Variants in SLC35F4 observed in about 807,000 individuals in gnomAD.
SLC35F4 encodes the protein chromosome 14 open reading frame 36.
A neutral mutation model predicts 44.2 loss-of-function variants in SLC35F4; 24 were observed. The observed-to-expected ratio is 0.54, with a 90% CI of 0.39 to 0.76. The LOEUF (loss-of-function observed/expected upper bound fraction) is 0.76, where lower values mean the gene tolerates loss of function less well. SLC35F4 is among the 30% of genes least tolerant of loss of function. SLC35F4 has a pLI of 0.00. For synonymous variants in SLC35F4, 238 were observed against 223.6 expected (o/e 1.06, Z -0.57); for missense variants, 562 against 586.1 (o/e 0.96, Z 0.42).
intron 1 of SLC35F4, among the ~76,000 whole-genome samples, chr14:57,786,530 T>G (rs185267683): frequency 1.1e-3 from 175 of 152,268 alleles, no homozygotes; most frequent in Non-Finnish European, 1.2e-3. Flanking sequence ...TCCCTTGTCA[T>G]GTCCACAGAA....
intron 5 of SLC35F4, among the ~76,000 whole-genome samples, chr14:57,570,530 T>C (rs2068446691): frequency 6.6e-6 from 1 of 152,164 alleles, no homozygotes; most frequent in East Asian, 1.9e-4. Flanking sequence ...TTATATATTA[T>C]AAACCTGTGT....
chr14:57,586,717 CAAAAAAAAAAAAAAAAA>C (rs543963927), intron 3 of SLC35F4, among the ~76,000 whole-genome samples: 2 of 12,494 alleles, frequency 1.6e-4, no homozygotes, highest in African/African-American at 1.3e-4. Flanking sequence ...GACTCTGTCT[CAAAAAAAAAAAAAAAAA>C]AAAAAAAAAA....
chr14:57,785,397 T>C (rs559310927), intron 1 of SLC35F4, among the ~76,000 whole-genome samples: 1 of 152,256 alleles, frequency 6.6e-6, no homozygotes, highest in South Asian at 2.1e-4. Flanking sequence ...CAGTAGTACA[T>C]AAATTACTTT....
intron 1 of SLC35F4, among the ~76,000 whole-genome samples, chr14:57,846,457 TA>T (rs747260082): frequency 6.0e-4 from 92 of 152,242 alleles, no homozygotes; most frequent in Middle Eastern, 6.8e-3. Context: ...CTGAATGAAA[TA>T]ACAGTCGTTT....
chr14:57,666,047 A>G (rs1344116384), intron 1 of SLC35F4, among the ~76,000 whole-genome samples: 1 of 152,196 alleles, frequency 6.6e-6, no homozygotes, highest in South Asian at 2.1e-4. Flanking sequence ...TGATGAAATA[A>G]TCTGTACAAC....
chr14:57,919,838 A>G (rs1889406531), intron 1 of SLC35F4, among the ~76,000 whole-genome samples: 1 of 152,202 alleles, frequency 6.6e-6, no homozygotes, highest in Non-Finnish European at 1.5e-5. Context: ...ATGGAGAGCA[A>G]TTTTGACAGA....
chr14:57,959,450 T>C (rs1225560737), intron 1 of SLC35F4, among the ~76,000 whole-genome samples: 3 of 152,136 alleles, frequency 2.0e-5, no homozygotes, highest in Admixed American at 6.5e-5. Flanking sequence ...CTGAGGAAGA[T>C]GGATTTAGCC....
chr14:57,951,273 C>G (rs1890135486), intron 1 of SLC35F4, among the ~76,000 whole-genome samples: 1 of 152,164 alleles, frequency 6.6e-6, no homozygotes, highest in African/African-American at 2.4e-5. Flanking sequence ...ACACTTTTCC[C>G]ATGGTCTTCA....
Position 57,611,425 on chromosome 14 carries a change from T to C in SLC35F4, c.104-17301A>G, listed in dbSNP as rs541660938. Among the ~76,000 whole-genome samples, 3 of 151,934 alleles carry C rather than the reference T, an allele frequency of 2.0e-5. No homozygotes were observed. In the East Asian group the frequency reaches 5.8e-4, roughly 30 times the overall value. On this transcript the variant is annotated intron_variant, in intron 1 of 7. Transcript: ENST00000556826. ...AATAAACTCTCTAAAGCTGTGAGTA[T>C]AGAGAAGATGCCCAGCAGGTCCAGG...
At chr14:57,915,353 A>G (rs1406020823) in intron 1 of SLC35F4, among the ~76,000 whole-genome samples, 3 of 152,096 alleles carry the variant, frequency 2.0e-5, no homozygotes, top group African/African-American at 7.2e-5. Context: ...ATCTATGGTA[A>G]TCTCTTTAAC....
chr14:57,668,299 T>C (rs1282428146), intron 1 of SLC35F4, among the ~76,000 whole-genome samples: 2 of 151,290 alleles, frequency 1.3e-5, no homozygotes, highest in East Asian at 3.9e-4. Flanking sequence ...ACTCTGATGG[T>C]AGTTTCTTTT....
intron 1 of SLC35F4, among the ~76,000 whole-genome samples, chr14:57,722,682 G>T (rs769850657): frequency 6.6e-6 from 1 of 152,184 alleles, no homozygotes; most frequent in Non-Finnish European, 1.5e-5. Context: ...AATCAGAATA[G>T]TCTGACTTCT....
chr14:57,713,561 AG>A (rs2075864397), intron 1 of SLC35F4, among the ~76,000 whole-genome samples: 1 of 152,154 alleles, frequency 6.6e-6, no homozygotes, highest in African/African-American at 2.4e-5. Context: ...TTCCCCCTTC[AG>A]TGCCAGAACA....
intron 2 of SLC35F4, 113 bp downstream of exon 2, chr14:57,593,826 A>G (rs1224811012): frequency 2.6e-6 from 3 of 1,160,646 alleles, no homozygotes; most frequent in Non-Finnish European, 3.7e-6. Flanking sequence ...GCTTCCCCAC[A>G]TGTACTCATA....
chr14:57,700,382 G>A (rs1019544194), intron 1 of SLC35F4, among the ~76,000 whole-genome samples: 5 of 114,698 alleles, frequency 4.4e-5, no homozygotes, highest in Non-Finnish European at 9.3e-5. Context: ...ATTGCTCTAG[G>A]TCAGTGAGCA....
chr14:57,617,934 G>A (rs530931870), intron 1 of SLC35F4, among the ~76,000 whole-genome samples: 2 of 152,248 alleles, frequency 1.3e-5, no homozygotes, highest in South Asian at 4.1e-4. Context: ...GACCTGATAT[G>A]TAGGCAACAG....
In SLC35F4 at chr14:57,639,440, C is replaced by G. The variant is rs903097848; in HGVS notation, c.104-45316G>C. Among the ~76,000 whole-genome samples, 4 of 152,062 alleles carry G rather than the reference C, an allele frequency of 2.6e-5. No homozygotes were observed. In the East Asian group the frequency reaches 7.8e-4, roughly 29 times the overall value. On this transcript the variant is annotated intron_variant, in intron 1 of 7. Transcript: ENST00000556826. ...TAATATAGTGTTTTCTGCTTGGGATCAGCTAAAGTCTATAAAATTTTGTGT... is the reference window on the plus strand; with the variant it reads ...TAATATAGTGTTTTCTGCTTGGGATGAGCTAAAGTCTATAAAATTTTGTGT...
At chr14:57,842,656 C>T (rs75045684) in intron 1 of SLC35F4, among the ~76,000 whole-genome samples, 2 of 152,308 alleles carry the variant, frequency 1.3e-5, no homozygotes, top group African/African-American at 4.8e-5. Context: ...CACTCCCTTC[C>T]CTTGCACTCT....
At chr14:57,717,508 C>T (rs1308007223) in intron 1 of SLC35F4, among the ~76,000 whole-genome samples, 7 of 152,138 alleles carry the variant, frequency 4.6e-5, no homozygotes, top group Admixed American at 2.0e-4. Flanking sequence ...TGGTGTCGGG[C>T]GCCTGTAGTC....
Sources: allele counts gnomAD v4.1 joint callset (sites outside exome capture counted in the v4.1 genomes callset), GRCh38; gene constraint gnomAD v4.1.1; transcripts MANE v1.5; gene names NCBI Gene and HGNC (gene_info 2026-07-23, HGNC 2026-07-21).